MAP2K1: variants seen among roughly 807,000 people sequenced by gnomAD.
The protein encoded by MAP2K1 is mitogen-activated protein kinase kinase 1.
MAP2K1 carries 16 observed loss-of-function variants against 46.3 expected under a neutral mutation model. The ratio of observed to expected loss-of-function variants is 0.35; its 90% CI spans 0.23 to 0.52. The LOEUF is 0.52. Ranked by LOEUF, MAP2K1 falls within the 20% of genes least tolerant of loss-of-function variation. MAP2K1 has a pLI of 0.94. For missense variants in MAP2K1, 263 were observed against 497.1 expected (o/e 0.53, Z 4.48); for synonymous variants, 183 against 185.6 (o/e 0.99, Z 0.11).
At chr15:66,483,333 CTCTT>C (rs1311620946) in intron 6 of MAP2K1, among the ~76,000 whole-genome samples, 6 of 152,136 alleles carry the variant, frequency 3.9e-5, no homozygotes, top group Non-Finnish European at 7.4e-5. Context: ...CAGTGGAACT[CTCTT>C]TCTCTGTCAT....
intron 5 of MAP2K1, among the ~76,000 whole-genome samples, chr15:66,466,175 A>G (rs1200360609): frequency 6.6e-6 from 1 of 152,240 alleles, no homozygotes; most frequent in African/African-American, 2.4e-5. Context: ...CTTAAAGGAA[A>G]GCACACCATT....
At chr15:66,448,679 A>C (rs989769912) in intron 5 of MAP2K1, among the ~76,000 whole-genome samples, 1 of 152,184 alleles carries the variant, frequency 6.6e-6, no homozygotes, top group Non-Finnish European at 1.5e-5. Flanking sequence ...TATTAATTTC[A>C]ACCTGGGCCA....
intron 3 of MAP2K1, among the ~76,000 whole-genome samples, chr15:66,439,238 T>A (rs2093496991): frequency 6.6e-6 from 1 of 152,250 alleles, no homozygotes; most frequent in African/African-American, 2.4e-5. Flanking sequence ...CTCTGTTCGA[T>A]AGCCACATCC....
rs58831070 is a variant in MAP2K1, at chr15:66,392,255, G to GTTTTTTTTTTTTTTTTTTTTTTTTT, written c.80+4852_80+4853insTTTTTTTTTTTTTTTTTTTTTTTTT. Reference sequence around the variant, plus strand: ...ACGAATATTTGTGTGTTTTTTTTGGGTTTTTTTTTTTTTTTTTTTTTTTTA... The same window carrying GTTTTTTTTTTTTTTTTTTTTTTTTT: ...ACGAATATTTGTGTGTTTTTTTTGGGTTTTTTTTTTTTTTTTTTTTTTTTTTTTTTTTTTTTTTTTTTTTTTTTTA... On this transcript the variant is annotated intron_variant, in intron 1 of 10. Coordinates refer to ENST00000307102, the MANE Select transcript of MAP2K1 (RefSeq NM_002755.4). 1.7e-4 allele frequency among the ~76,000 whole-genome samples: 17 copies of GTTTTTTTTTTTTTTTTTTTTTTTTT among 97,764 alleles called. 2 individuals carry two copies. The highest frequency in any genetic ancestry group is 7.7e-4 in the African/African-American group (17 of 22,054). 64.1% of individuals were successfully genotyped at this position (97,764 alleles called of 152,430 possible).
At chr15:66,422,933 T>G (rs1037104761) in intron 1 of MAP2K1, among the ~76,000 whole-genome samples, 6 of 152,150 alleles carry the variant, frequency 3.9e-5, no homozygotes, top group African/African-American at 1.4e-4. Context: ...TTTTTTTGCT[T>G]TAGTTTGGTT....
At chr15:66,453,602 T>A in intron 5 of MAP2K1, 1 of 702,112 alleles carries the variant, frequency 1.4e-6, no homozygotes, top group South Asian at 1.5e-5. Context: ...AGCAGTCTCC[T>A]TGTCCCTGCC....
chr15:66,463,909 G>A (rs879695493), intron 5 of MAP2K1, among the ~76,000 whole-genome samples: 1 of 152,224 alleles, frequency 6.6e-6, no homozygotes, highest in Non-Finnish European at 1.5e-5. Flanking sequence ...GTCACAGGTA[G>A]GTGAGAGACA....
At chr15:66,419,212 G>A (rs1167404677) in intron 1 of MAP2K1, among the ~76,000 whole-genome samples, 1 of 151,426 alleles carries the variant, frequency 6.6e-6, no homozygotes, top group African/African-American at 2.4e-5. Context: ...TACTTCTACA[G>A]AAGCCTGATC....
intron 1 of MAP2K1, among the ~76,000 whole-genome samples, chr15:66,427,490 C>T (rs1397544080): frequency 2.7e-5 from 4 of 149,856 alleles, no homozygotes; most frequent in Admixed American, 1.3e-4. Context: ...ACCCAGGAGG[C>T]GGAGCTTGCA....
intron 1 of MAP2K1, among the ~76,000 whole-genome samples, chr15:66,404,778 G>A (rs1483440638): frequency 6.6e-6 from 1 of 151,432 alleles, no homozygotes; most frequent in Non-Finnish European, 1.5e-5. Flanking sequence ...GGGACACGGT[G>A]AGCGGAAATG....
At chr15:66,479,220 C>G (rs1892857013) in intron 5 of MAP2K1, among the ~76,000 whole-genome samples, 1 of 152,026 alleles carries the variant, frequency 6.6e-6, no homozygotes, top group Admixed American at 6.5e-5. Context: ...CCTCAGCCTT[C>G]TGAGTAGCTG....
intron 5 of MAP2K1, among the ~76,000 whole-genome samples, chr15:66,470,271 A>ACC (rs1892600994): frequency 6.6e-6 from 1 of 151,780 alleles, no homozygotes; most frequent in East Asian, 1.9e-4. Context: ...TGATCACACA[A>ACC]CCTATACAAG....
Position 66,387,192 on chromosome 15 carries a change from C to T in MAP2K1, c.-156C>T. ...ACTGAGACCGCTACCGGCCCCTCGG[C>T]GCTGACGGGACCGCGCGGGGCGCAC... On this transcript the variant is annotated 5_prime_UTR_variant, in exon 1 of 11. Transcript: ENST00000307102. The T allele has an allele frequency of 1.8e-6, 1 of 554,406 alleles. No homozygotes were observed. Among genetic ancestry groups the T allele is most frequent in the Non-Finnish European group, 3.1e-6 (1 of 318,290 alleles). The allele number at this position is 554,406 out of a possible 1,614,324, so 34.3% of individuals were successfully genotyped here.
chr15:66,405,405 T>C (rs35379561), intron 1 of MAP2K1, among the ~76,000 whole-genome samples: 8,582 of 152,316 alleles, frequency 0.056, 349 homozygotes, highest in Middle Eastern at 0.11. Context: ...GTGGCTACTA[T>C]ACTGGACCAG....
At chr15:66,478,281 ATATATATAC>A (rs1432112045) in intron 5 of MAP2K1, among the ~76,000 whole-genome samples, 2 of 146,998 alleles carry the variant, frequency 1.4e-5, no homozygotes, top group African/African-American at 2.5e-5. Context: ...TTTAACATAT[ATATATATAC>A]TATATATACC....
chr15:66,473,753 C>T (rs1323189103), intron 5 of MAP2K1, among the ~76,000 whole-genome samples: 1 of 152,216 alleles, frequency 6.6e-6, no homozygotes, highest in Non-Finnish European at 1.5e-5. Context: ...TCTCAGCTCA[C>T]TGCAACCTCT....
intron 1 of MAP2K1, 68 bp downstream of exon 1, chr15:66,387,495 C>A: frequency 6.9e-7 from 1 of 1,456,860 alleles, no homozygotes. Context: ...AGCAGGAGCG[C>A]GCGCCAGGCT....
intron 5 of MAP2K1, among the ~76,000 whole-genome samples, chr15:66,464,253 T>C (rs1172853093): frequency 1.3e-5 from 2 of 152,120 alleles, no homozygotes; most frequent in Non-Finnish European, 2.9e-5. Context: ...TTTTAGCAGG[T>C]TGTGGTCTCA....
intron 5 of MAP2K1, among the ~76,000 whole-genome samples, chr15:66,454,706 A>G (rs1892117961): frequency 1.3e-5 from 2 of 152,084 alleles, no homozygotes; most frequent in African/African-American, 4.8e-5. Context: ...CAACATGGTG[A>G]AACCCCATCT....
Sources: gnomAD v4.1 joint callset for allele counts (sites outside exome capture counted in the v4.1 genomes callset) on GRCh38, gnomAD v4.1.1 for gene constraint, MANE v1.5 for transcripts, NCBI Gene and HGNC (gene_info 2026-07-23, HGNC 2026-07-21) for gene names.